The following TOPORS variants were observed in gnomAD, a reference collection of about 807,000 sequenced individuals.
The protein encoded by TOPORS is E3 ubiquitin-protein ligase Topors.
TOPORS carries 25 observed loss-of-function variants against 81.4 expected under a neutral mutation model. The ratio of observed to expected loss-of-function variants is 0.31; its 90% CI spans 0.22 to 0.43. The LOEUF is 0.43. Among genes scored for constraint, TOPORS ranks in the 20% least tolerant of loss-of-function variants. The probability of loss-of-function intolerance (pLI) is 1.00; values close to 1 mark genes in which losing one functional copy is unlikely to be tolerated. For synonymous variants in TOPORS, 473 were observed against 456.6 expected, an observed-to-expected ratio of 1.04 and a Z score of -0.46; for missense variants, 1,101 against 1,267.0, an observed-to-expected ratio of 0.87 and a Z score of 1.99.
At position 32,543,226 on chromosome 9, in the gene TOPORS, A is replaced by G; in HGVS notation, c.1299T>C (p.Val433=). ...AAGTATTTAAAAGAGAAGACATAGT[A>G]ACGTGTACCTGCTCTGAGCTTGAGT... ...PSYSSSEQVH[V]TMSSLLNTSD... The change falls in exon 3 of 3, where the codon GTT becomes GTC. Residue 433 remains valine (V), a synonymous_variant. Transcript: ENST00000360538. This position sits in a 1 kb window ranked among gnomAD's most constrained non-coding sequence, Gnocchi z 5.6. 6.2e-7 allele frequency: 1 copy of G among 1,613,672 alleles called. No homozygotes were observed.
In TOPORS at chr9:32,541,449, A is replaced by G. The variant is rs200696182; in HGVS notation, c.3076T>C (p.Leu1026=). The G allele has an allele frequency of 1.2e-6, 2 of 1,614,212 alleles. No homozygotes were observed. The highest frequency in any genetic ancestry group is 1.3e-5 in the African/African-American group (1 of 75,064). Residue 1026 remains leucine (L), a synonymous_variant, in exon 3 of 3, where the codon TTG becomes CTG. Coordinates refer to ENST00000360538, the MANE Select transcript of TOPORS (RefSeq NM_005802.5). ...VSLQTEPSRQ[L]PSPRTSLMSV... ...ATTAATGATGTCCGTGGCGATGGCA[A>G]TTGCCTTGATGGCTCAGTTTGAAGA...
Position 32,543,258 on chromosome 9 carries a change from G to A in TOPORS, c.1267C>T (p.Pro423Ser). ...QAPWDDETPGPSYSSSEQVHV... is the reference protein window; with the variant it reads ...QAPWDDETPGSSYSSSEQVHV... ...ACCTGCTCTGAGCTTGAGTAAGATGGTCCTGGAGTTTCATCATCCCATGGT... is the reference window on the plus strand; with the variant it reads ...ACCTGCTCTGAGCTTGAGTAAGATGATCCTGGAGTTTCATCATCCCATGGT... Residue 423 changes from proline to serine, a missense_variant, in exon 3 of 3, where the codon CCA becomes TCA. By Grantham distance (74) the Pro-to-Ser change is moderately conservative (BLOSUM62 -1). Coordinates refer to ENST00000360538, the MANE Select transcript of TOPORS (RefSeq NM_005802.5). This position sits in a 1 kb window ranked among gnomAD's most constrained non-coding sequence, Gnocchi z 5.6. 6.2e-7 allele frequency: 1 copy of A among 1,613,672 alleles called. No homozygotes were observed. Among genetic ancestry groups the A allele is most frequent in the Non-Finnish European group, 8.5e-7 (1 of 1,180,014 alleles).
chr9:32,552,292 C>G, intron 1 of TOPORS, 142 bp downstream of exon 1: 1 of 1,252,028 alleles, frequency 8.0e-7, no homozygotes, highest in Middle Eastern at 1.8e-4. Context: ...AAGAGGCCAG[C>G]GACAGCGCTG....
intron 2 of TOPORS, among the ~76,000 whole-genome samples, chr9:32,550,285 A>G (rs1821211246): frequency 1.3e-5 from 2 of 152,232 alleles, no homozygotes; most frequent in Admixed American, 6.5e-5. Context: ...GTTTAACACA[A>G]CACAGACAAG....
rs369266345 is a variant in TOPORS, at chr9:32,543,466, A to G, written c.1059T>C (p.His353=). Reference sequence around the variant, plus strand: ...GAGATCGGGCAAAACTGATAAATTCATGTATAAAATGCTCAGTTCGATTAA... The same window carrying G: ...GAGATCGGGCAAAACTGATAAATTCGTGTATAAAATGCTCAGTTCGATTAA... The part of the protein sequence containing the change: ...FLLNRTEHFI[H]EFISFARSPF... Residue 353 remains histidine, a synonymous_variant, in exon 3 of 3, where the codon CAT becomes CAC. Coordinates refer to ENST00000360538, the MANE Select transcript of TOPORS (RefSeq NM_005802.5). The surrounding 1 kb of genome is among the most constrained non-coding windows in gnomAD (Gnocchi z 5.6). 1.9e-6 allele frequency: 3 copies of G among 1,613,828 alleles called. No individual in the cohort carries two copies. The African/African-American group carries it at 4.0e-5, about 22-fold the overall frequency.
chr9:32,543,711 T>C lies in TOPORS; in HGVS notation c.814A>G (p.Ile272Val), dbSNP rs115436019. 5.0e-4 allele frequency: 809 copies of C among 1,613,050 alleles called. 6 individuals are homozygous for C. Among genetic ancestry groups the C allele is most frequent in the African/African-American group, 4.4e-3 (332 of 75,026 alleles). ...TCCCTGTAGCGGCCACCATCTTCAA[T>C]ATTTCTAACTCGAGCACCAGCACGA... ...LYRAGARVRN[I>V]EDGGRYRDIS... Residue 272 changes from isoleucine (I) to valine (V), a missense_variant, in exon 3 of 3, where the codon ATT (isoleucine) becomes GTT (valine). Around this residue, in one of 9 missense-constraint regions of TOPORS, gnomAD observed 69 missense variants for 153.6 expected, o/e 0.45. Coordinates refer to ENST00000360538, the MANE Select transcript of TOPORS (RefSeq NM_005802.5). This position sits in a 1 kb window ranked among gnomAD's most constrained non-coding sequence, Gnocchi z 5.6.
At position 32,542,828 on chromosome 9, in the gene TOPORS, G is replaced by A. The variant is rs1821089251; in HGVS notation, c.1697C>T (p.Thr566Ile). Residue 566 changes from threonine to isoleucine, a missense_variant, in exon 3 of 3, where the codon ACA (threonine) becomes ATA (isoleucine). By Grantham distance (89) the Thr-to-Ile change is moderately conservative. This residue lies in a region of TOPORS where 605 missense variants were observed against 636.1 expected (regional missense o/e 0.95). Coordinates refer to ENST00000360538, the MANE Select transcript of TOPORS (RefSeq NM_005802.5). ...CAGGTTTCTGGGAGATGACAATGAT[G>A]TAGATCGTTTCTCTTCCTTCTTTGA... ...IKSKKEEKRSTSLSSPRNLNS... is the reference protein window; with the variant it reads ...IKSKKEEKRSISLSSPRNLNS... 6.2e-7 allele frequency: 1 copy of A among 1,614,084 alleles called. No individual in the cohort carries two copies. The highest frequency in any genetic ancestry group is 8.5e-7 in the Non-Finnish European group (1 of 1,180,016).
chr9:32,552,265 C>T (rs762919593), intron 1 of TOPORS, 169 bp downstream of exon 1: 18 of 882,788 alleles, frequency 2.0e-5, no homozygotes, highest in Non-Finnish European at 3.1e-5. Context: ...GTGATACCGC[C>T]CCCCAACTCC....
intron 2 of TOPORS, among the ~76,000 whole-genome samples, chr9:32,547,902 G>C (rs1470000524): frequency 6.6e-6 from 1 of 151,844 alleles, no homozygotes; most frequent in East Asian, 1.9e-4. Context: ...CGCGATCGTG[G>C]CTCACTGCAA....
chr9:32,549,291 A>G (rs1821187068), intron 2 of TOPORS, among the ~76,000 whole-genome samples: 1 of 152,214 alleles, frequency 6.6e-6, no homozygotes, highest in African/African-American at 2.4e-5. Flanking sequence ...TGGGCGAAAG[A>G]GCAAGACTCC....
chr9:32,550,101 T>C (rs1271341000), intron 2 of TOPORS, among the ~76,000 whole-genome samples: 3 of 152,220 alleles, frequency 2.0e-5, no homozygotes, highest in East Asian at 1.9e-4. Context: ...TGTTTCTTAA[T>C]TTATCTTAAA....
In TOPORS at chr9:32,551,142, C is replaced by A; in HGVS notation, c.4-174G>T. ...GCGCACCGGCCCAAATGCGGCCCCTCCCCCGCCGCTCCAGACCCCGGAGGA... is the reference window on the plus strand; with the variant it reads ...GCGCACCGGCCCAAATGCGGCCCCTACCCCGCCGCTCCAGACCCCGGAGGA... On this transcript the variant is annotated intron_variant, in intron 1 of 2. Transcript: ENST00000360538. The A allele has an allele frequency of 2.6e-6, 2 of 769,166 alleles. 1 individual carries two copies. The highest frequency in any genetic ancestry group is 3.3e-5 in the South Asian group (2 of 60,586). 47.6% of individuals were successfully genotyped at this position (769,166 alleles called of 1,614,324 possible).
rs1821061639 is a variant in TOPORS, at chr9:32,541,690, T to C, written c.2835A>G (p.Glu945=). 1.1e-5 allele frequency: 17 copies of C among 1,614,172 alleles called. No homozygotes were observed. Among genetic ancestry groups the C allele is most frequent in the Non-Finnish European group, 1.4e-5 (16 of 1,180,026 alleles). The change falls in exon 3 of 3, where the codon GAA becomes GAG. Residue 945 remains glutamate, a synonymous_variant. Coordinates refer to ENST00000360538, the MANE Select transcript of TOPORS (RefSeq NM_005802.5). ...LQNEFLAPSL[E]PFETKDVVTI... ...TAACTACATCTTTAGTTTCAAATGG[T>C]TCCAAGGAAGGAGCCAAAAACTCAT...
Position 32,542,371 on chromosome 9 carries a change from T to A in TOPORS, c.2154A>T (p.Ser718=). 6.2e-7 allele frequency: 1 copy of A among 1,614,146 alleles called. No homozygotes were observed. Among genetic ancestry groups the A allele is most frequent in the Non-Finnish European group, 8.5e-7 (1 of 1,180,002 alleles). Residue 718 remains serine (S), a synonymous_variant, in exon 3 of 3, where the codon TCA becomes TCT. Coordinates refer to ENST00000360538, the MANE Select transcript of TOPORS (RefSeq NM_005802.5). ...TGGACAGAGTCCTCCTCCTGTAAGA[T>A]GATTCGTACCCATCCCTGTCCTTGT... is the stretch of plus-strand genomic sequence containing the variant. ...SRNKDRDGYE[S]SYRRRTLSRA...
At position 32,542,291 on chromosome 9, in the gene TOPORS, G is replaced by C. The variant is rs758096681; in HGVS notation, c.2234C>G (p.Ser745Cys). The change falls in exon 3 of 3, where the codon TCT becomes TGT. Residue 745 changes from serine (S) to cysteine (C), a missense_variant. By Grantham distance (112) the Ser-to-Cys change is moderately radical. Around this residue, in one of 9 missense-constraint regions of TOPORS, gnomAD observed 605 missense variants for 636.1 expected, o/e 0.95. Transcript: ENST00000360538. ...SSPEFRVQSF[S>C]ERTNARKKNN... ...TTTTTTCCTAGCATTTGTTCTTTCAGAAAAGGACTGAACTCTAAATTCTGG... is the reference window on the plus strand; with the variant it reads ...TTTTTTCCTAGCATTTGTTCTTTCACAAAAGGACTGAACTCTAAATTCTGG... 97 of 1,613,944 alleles carry C rather than the reference G, an allele frequency of 6.0e-5. 2 individuals carry two copies. In the South Asian group the frequency reaches 1.0e-3, roughly 17 times the overall value.
intron 1 of TOPORS, chr9:32,551,213 G>A (rs1821250110): frequency 5.0e-6 from 3 of 601,778 alleles, no homozygotes; most frequent in South Asian, 3.8e-5. Flanking sequence ...TCAGCCACTG[G>A]GGACACTGAC....
At chr9:32,551,831 C>A (rs781644038) in intron 1 of TOPORS, 13 of 450,110 alleles carry the variant, frequency 2.9e-5, no homozygotes, top group South Asian at 1.9e-4. Context: ...CGTATTTCTT[C>A]TTAGAGATAT....
In TOPORS at chr9:32,542,642, C is replaced by T. The variant is rs751432028; in HGVS notation, c.1883G>A (p.Arg628Gln). 7.4e-6 allele frequency: 12 copies of T among 1,613,854 alleles called. No homozygotes were observed. The highest frequency in any genetic ancestry group is 3.3e-5 in the South Asian group (3 of 91,078). The change falls in exon 3 of 3, where the codon CGA (arginine) becomes CAA (glutamine). Residue 628 changes from arginine to glutamine, a missense_variant. This residue lies in a region of TOPORS where 605 missense variants were observed against 636.1 expected (regional missense o/e 0.95). Transcript: ENST00000360538. ...TCTGCTACTTTCCCTGCTTCTGGAT[C>T]GTTTACTTTTCATTCTTTTCTTCCC... Reference protein sequence around the residue: ...HHGKKRMKSKRSRSRESSRPR... With the variant: ...HHGKKRMKSKQSRSRESSRPR...
At position 32,550,941 on chromosome 9, in the gene TOPORS, G is replaced by A. The variant is rs771377131; in HGVS notation, c.31C>T (p.Leu11=). Residue 11 remains leucine, a synonymous_variant, in exon 2 of 3, where the codon CTG becomes TTG. Coordinates refer to ENST00000360538, the MANE Select transcript of TOPORS (RefSeq NM_005802.5). Reference sequence around the variant, plus strand: ...GGCGCTTCACCCTCCTCGCGAGACAGCGGAGACCCCAGCGGCGGCTGCGAC... The same window carrying A: ...GGCGCTTCACCCTCCTCGCGAGACAACGGAGACCCCAGCGGCGGCTGCGAC... The part of the protein sequence containing the change: MGSQPPLGSP[L]SREEGEAPPP... 5.6e-6 allele frequency: 9 copies of A among 1,612,302 alleles called. No homozygotes were observed. The highest frequency in any genetic ancestry group is 1.7e-4 in the Middle Eastern group (1 of 6,052).
Sources: allele counts gnomAD v4.1 joint callset (sites outside exome capture counted in the v4.1 genomes callset), GRCh38; gene constraint gnomAD v4.1.1; regional missense constraint gnomAD v4.1.1; non-coding constraint Gnocchi (gnomAD v3.1); transcripts MANE v1.5; gene names NCBI Gene and HGNC (gene_info 2026-07-23, HGNC 2026-07-21).